The following USP13 variants were observed in gnomAD, a reference collection of about 807,000 sequenced individuals.
The protein encoded by USP13 is ubiquitin carboxyl-terminal hydrolase 13.
A neutral mutation model predicts 107.8 loss-of-function variants in USP13; 68 were observed. The observed-to-expected ratio is 0.63, with a 90% confidence interval of 0.52 to 0.77. The LOEUF (loss-of-function observed/expected upper bound fraction) is 0.77. USP13 is among the 30% of genes least tolerant of loss of function. The probability of loss-of-function intolerance (pLI) is 0.00; values close to 1 mark genes in which losing one functional copy is unlikely to be tolerated. For missense variants in USP13, 945 were observed against 1,093.3 expected (o/e 0.86, Z 1.91); for synonymous variants, 377 against 389.5 (o/e 0.97, Z 0.38).
intron 6 of USP13, among the ~76,000 whole-genome samples, chr3:179,714,386 T>A (rs1713030757): frequency 1.3e-5 from 2 of 152,224 alleles, no homozygotes; most frequent in Admixed American, 6.5e-5. Context: ...GACTACTTCA[T>A]GTTAGTTTTG....
intron 8 of USP13, among the ~76,000 whole-genome samples, chr3:179,725,536 GGACAGCAGGTGCCTA>G (rs146272604): frequency 9.9e-4 from 151 of 152,278 alleles, no homozygotes; most frequent in South Asian, 2.5e-3. Context: ...CTGAGTCTGT[GGACAGCAGGTGCCTA>G]GAAGTTTCTA....
Position 179,707,015 on chromosome 3 carries a change from C to G in USP13, c.559C>G (p.Pro187Ala). Residue 187 changes from proline to alanine, a missense_variant, in exon 5 of 21, where the codon CCA (proline) becomes GCA (alanine). Physicochemically the swap from Pro to Ala is conservative, Grantham distance 27. Coordinates refer to ENST00000263966, the MANE Select transcript of USP13 (RefSeq NM_003940.3). ...CCCAGACACGTGGGAAAATGAATTG[C>G]CAGTATCTAAATATGCCAACAACCT... ...QDPDTWENEL[P>A]VSKYANNLTQ... is the part of the protein sequence containing the mutation. The G allele has an allele frequency of 6.2e-7, 1 of 1,614,084 alleles. No individual in the cohort carries two copies. The highest frequency in any genetic ancestry group is 8.5e-7 in the Non-Finnish European group (1 of 1,180,006).
At position 179,653,429 on chromosome 3, in the gene USP13, G is replaced by GGCGGCCT; in HGVS notation, c.168+42_168+48dup. On this transcript the variant is annotated intron_variant, in intron 1 of 20. Coordinates refer to ENST00000263966, the MANE Select transcript of USP13 (RefSeq NM_003940.3). The surrounding 1 kb of genome is among the most constrained non-coding windows in gnomAD (Gnocchi z 4.0). ...CGCCTCGGGGGAGGGTCGCGGGGCCGGCGGCCTGCGGCACGTGAAGCCGGG... is the reference window on the plus strand; with the variant it reads ...CGCCTCGGGGGAGGGTCGCGGGGCCGGCGGCCTGCGGCCTGCGGCACGTGAAGCCGGG... 6.5e-7 allele frequency: 1 copy of GGCGGCCT among 1,535,358 alleles called. No individual in the cohort carries two copies. Among genetic ancestry groups the GGCGGCCT allele is most frequent in the Non-Finnish European group, 8.8e-7 (1 of 1,137,448 alleles).
intron 16 of USP13, among the ~76,000 whole-genome samples, chr3:179,758,485 C>T (rs1352149640): frequency 6.6e-6 from 1 of 152,100 alleles, no homozygotes; most frequent in East Asian, 1.9e-4. Flanking sequence ...CTGACATTTG[C>T]ATCCTACCTT....
intron 13 of USP13, among the ~76,000 whole-genome samples, chr3:179,746,486 G>T (rs1714412930): frequency 6.6e-6 from 1 of 151,566 alleles, no homozygotes; most frequent in South Asian, 2.1e-4. Flanking sequence ...AGGCTGGAGT[G>T]CAGTGGCACA....
rs1183218904 is a variant in USP13 at position 179,724,314 on chromosome 3, C to T, written c.1088+2725C>T. On this transcript the variant is annotated intron_variant, in intron 8 of 20. Transcript: ENST00000263966. ...CTGTACTAAAAATACACAAATTAGC[C>T]GGGCATGGTGGTGTGTGCCTATAAT... Among the ~76,000 whole-genome samples, 6 of 151,854 alleles carry T rather than the reference C, an allele frequency of 4.0e-5. 1 individual carries two copies. Among genetic ancestry groups the T allele is most frequent in the Non-Finnish European group, 5.9e-5 (4 of 67,922 alleles).
rs563942590 is a variant in USP13 at position 179,761,021 on chromosome 3, G to C, written c.1949-91G>C. 64 of 1,488,522 alleles carry C rather than the reference G, an allele frequency of 4.3e-5. No individual in the cohort carries two copies. The African/African-American group carries it at 8.2e-4, about 19-fold the overall frequency. The allele number at this position is 1,488,522 out of a possible 1,614,324, so 92.2% of individuals were successfully genotyped here. ...CACCCAACAGAATAGCACTTTCTTT[G>C]GGTAGCATGTGGATAGGAGAGTGGA... On this transcript the variant is annotated intron_variant, in intron 16 of 20. Transcript: ENST00000263966.
Position 179,761,250 on chromosome 3 carries a change from A to T in USP13, c.2087A>T (p.Glu696Val), listed in dbSNP as rs1715001623. The T allele has an allele frequency of 6.2e-7, 1 of 1,614,036 alleles. No homozygotes were observed. The highest frequency in any genetic ancestry group is 1.1e-5 in the South Asian group (1 of 91,082). ...AFNWIIVHME[E>V]PDFAEPLTMP... ...AACTGGATCATTGTTCACATGGAAG[A>T]GCCAGGTAGGTGGCGAGAAAATGGA... The change falls in exon 17 of 21, where the codon GAG becomes GTG. Residue 696 changes from glutamate to valine, a missense_variant. Physicochemically the swap from Glu to Val is moderately radical, Grantham distance 121. Transcript: ENST00000263966.
In USP13 at chr3:179,688,138, CATCCATCCATCCGTAT is replaced by C. The variant is rs750356321; in HGVS notation, c.295-2074_295-2059del. Among the ~76,000 whole-genome samples, 485 of 148,278 alleles carry C rather than the reference CATCCATCCATCCGTAT, an allele frequency of 3.3e-3. 23 individuals carry two copies. Among genetic ancestry groups the C allele is most frequent in the Non-Finnish European group, 4.9e-3 (323 of 66,370 alleles). On this transcript the variant is annotated intron_variant, in intron 2 of 20. Transcript: ENST00000263966. ...CCATCCATCCATCCATCCATATATC[CATCCATCCATCCGTAT>C]ATCCATCCATCCGTATATCCATCCA...
chr3:179,744,810 C>T (rs937862785), intron 12 of USP13, among the ~76,000 whole-genome samples: 2 of 152,062 alleles, frequency 1.3e-5, no homozygotes, highest in Admixed American at 6.6e-5. Flanking sequence ...TCCTGTCAGT[C>T]GCAAAGGGGA....
intron 16 of USP13, among the ~76,000 whole-genome samples, chr3:179,759,175 G>A (rs1180003511): frequency 1.3e-5 from 2 of 151,844 alleles, no homozygotes; most frequent in African/African-American, 4.8e-5. Context: ...TAGAGATGGG[G>A]TTTCACCATG....
chr3:179,711,682 A>G (rs1203053800), intron 6 of USP13, among the ~76,000 whole-genome samples: 2 of 152,174 alleles, frequency 1.3e-5, no homozygotes, highest in African/African-American at 2.4e-5. Flanking sequence ...GTCCCACTGG[A>G]AAGTCTTCTG....
At chr3:179,654,226 A>AG (rs972358216) in intron 1 of USP13, among the ~76,000 whole-genome samples, 1 of 151,620 alleles carries the variant, frequency 6.6e-6, no homozygotes, top group African/African-American at 2.4e-5. Flanking sequence ...AAAAAAAAAA[A>AG]AAAAAATGTC....
At chr3:179,732,105 A>T (rs1205708050) in intron 10 of USP13, among the ~76,000 whole-genome samples, 1 of 152,170 alleles carries the variant, frequency 6.6e-6, no homozygotes, top group South Asian at 2.1e-4. Flanking sequence ...CAAGCCCAGG[A>T]GACCAGAGGG....
At chr3:179,745,501 CCTTCCTTCCTTCCTTTCTTTCTTCCTTT>C (rs1302533993) in intron 13 of USP13, among the ~76,000 whole-genome samples, 1,515 of 151,242 alleles carry the variant, frequency 0.01, 31 homozygotes, top group African/African-American at 0.035. Context: ...AGCCTTCCTT[CCTTCCTTCCTTCCTTTCTTTCTTCCTTT>C]CTTCCTTCCT....
rs2108422573 is a variant in USP13, at chr3:179,653,411, G to A, written c.168+18G>A. Reference sequence around the variant, plus strand: ...ACTCTCCCGTAAGTGAGGCGCCTCGGGGGAGGGTCGCGGGGCCGGCGGCCT... The same window carrying A: ...ACTCTCCCGTAAGTGAGGCGCCTCGAGGGAGGGTCGCGGGGCCGGCGGCCT... On this transcript the variant is annotated intron_variant, in intron 1 of 20. Transcript: ENST00000263966. The surrounding 1 kb of genome is among the most constrained non-coding windows in gnomAD (Gnocchi z 4.0). The A allele has an allele frequency of 6.5e-7, 1 of 1,546,776 alleles. No homozygotes were observed.
At chr3:179,752,218 G>C in intron 13 of USP13, 67 bp from the exon 14 acceptor site, 1 of 1,441,746 alleles carries the variant, frequency 6.9e-7, no homozygotes, top group Middle Eastern at 1.8e-4. Context: ...AAGTTGATAT[G>C]CTTTTTGAAC....
At chr3:179,672,112 A>G (rs2108444606) in intron 1 of USP13, among the ~76,000 whole-genome samples, 1 of 152,296 alleles carries the variant, frequency 6.6e-6, no homozygotes, top group Admixed American at 6.5e-5. Context: ...AAAGTAGTGT[A>G]TTTTTATTTA....
At chr3:179,783,800 C>T (rs973167557) in intron 20 of USP13, among the ~76,000 whole-genome samples, 3 of 149,858 alleles carry the variant, frequency 2.0e-5, no homozygotes, top group East Asian at 1.9e-4. Flanking sequence ...CCCAGGAGTT[C>T]GAAGCTTCAG....
Sources: allele counts gnomAD v4.1 joint callset (sites outside exome capture counted in the v4.1 genomes callset), GRCh38; gene constraint gnomAD v4.1.1; non-coding constraint Gnocchi (gnomAD v3.1); transcripts MANE v1.5; gene names NCBI Gene and HGNC (gene_info 2026-07-23, HGNC 2026-07-21).